The following GTF2B variants were observed in gnomAD, a reference collection of about 807,000 sequenced individuals.
GTF2B encodes the protein transcription initiation factor IIB.
Under a neutral mutation model 34.6 loss-of-function variants are expected in GTF2B, and 20 were observed. The ratio of observed to expected loss-of-function variants is 0.58; its 90% CI spans 0.41 to 0.84. GTF2B has a LOEUF of 0.84. GTF2B is among the 40% of genes least tolerant of loss of function. The pLI is 0.00. For missense variants in GTF2B, 237 were observed against 393.3 expected (o/e 0.60, Z 3.36); for synonymous variants, 142 against 132.4 (o/e 1.07, Z -0.50).
chr1:88,876,163 C>T (rs949202040), intron 2 of GTF2B, among the ~76,000 whole-genome samples: 1 of 152,188 alleles, frequency 6.6e-6, no homozygotes, highest in Non-Finnish European at 1.5e-5. Flanking sequence ...ATTTTAAAAA[C>T]TTAACTTGGC....
chr1:88,891,510 A>C lies in GTF2B; in HGVS notation c.-11T>G. 3 of 1,602,248 alleles carry C rather than the reference A, an allele frequency of 1.9e-6. No individual in the cohort carries two copies. Among genetic ancestry groups the C allele is most frequent in the Non-Finnish European group, 2.6e-6 (3 of 1,173,884 alleles). On this transcript the variant is annotated 5_prime_UTR_variant, in exon 1 of 7. Coordinates refer to ENST00000370500, the MANE Select transcript of GTF2B (RefSeq NM_001514.6). The stretch of plus-strand genomic sequence containing the variant: ...GCTGGTAGACGCCATCTTCACGGCG[A>C]CTGCGGTGCCCGCAACAAGACACAA...
chr1:88,871,719 C>T (rs7532049), intron 2 of GTF2B, among the ~76,000 whole-genome samples: 150,013 of 152,324 alleles, frequency 0.98, 73,901 homozygotes, highest in Middle Eastern at 1. Flanking sequence ...GTATAAAAGA[C>T]TGCTCTTTTT....
intron 6 of GTF2B, among the ~76,000 whole-genome samples, chr1:88,856,289 A>C (rs1557652126): frequency 7.5e-5 from 7 of 92,998 alleles, no homozygotes; most frequent in Non-Finnish European, 1.4e-4. Flanking sequence ...AAAAAAAAAA[A>C]ACAAAAAAAA....
chr1:88,886,822 T>TG (rs57975021), intron 2 of GTF2B, among the ~76,000 whole-genome samples: 3 of 152,238 alleles, frequency 2.0e-5, no homozygotes, highest in African/African-American at 7.2e-5. Context: ...ATTGTTTTTT[T>TG]GCAATAAATT....
At chr1:88,875,875 T>C (rs1292730381) in intron 2 of GTF2B, among the ~76,000 whole-genome samples, 2 of 152,188 alleles carry the variant, frequency 1.3e-5, no homozygotes, top group East Asian at 1.9e-4. Flanking sequence ...AAAAGGTTTT[T>C]AAGTCCCATA....
chr1:88,884,064 G>C (rs1468172219), intron 2 of GTF2B, among the ~76,000 whole-genome samples: 5 of 130,884 alleles, frequency 3.8e-5, no homozygotes, highest in East Asian at 4.4e-4. Flanking sequence ...GTCTCACTCT[G>C]TCACTTAGGC....
intron 2 of GTF2B, among the ~76,000 whole-genome samples, chr1:88,873,182 G>GTTTT (rs869087763): frequency 4.2e-4 from 42 of 100,446 alleles, no homozygotes; most frequent in Non-Finnish European, 4.4e-4. Flanking sequence ...ATTCCATTAA[G>GTTTT]TTTTTTTTTT....
intron 2 of GTF2B, among the ~76,000 whole-genome samples, chr1:88,877,545 C>T (rs1234979362): frequency 6.6e-6 from 1 of 152,126 alleles, no homozygotes; most frequent in Non-Finnish European, 1.5e-5. Flanking sequence ...TATCTAAATA[C>T]AATAATACTG....
chr1:88,861,656 C>G (rs547367687), intron 3 of GTF2B, among the ~76,000 whole-genome samples: 1 of 152,024 alleles, frequency 6.6e-6, no homozygotes, highest in Non-Finnish European at 1.5e-5. Flanking sequence ...AAGCGCGAAA[C>G]TCTGTCTCAA....
rs539930757 is a variant in GTF2B, at chr1:88,877,833, A to G, written c.124+9428T>C. Among the ~76,000 whole-genome samples, 7 of 152,328 alleles carry G rather than the reference A, an allele frequency of 4.6e-5. No individual in the cohort carries two copies. The East Asian group carries it at 1.4e-3, about 29-fold the overall frequency. On this transcript the variant is annotated intron_variant, in intron 2 of 6. Transcript: ENST00000370500. The stretch of plus-strand genomic sequence containing the variant: ...TGTAATCCCACTACTCAGAAGGCTG[A>G]GGAAGGAGAATCACTGGAACCCGGG...
At chr1:88,868,603 T>C (rs997796733) in intron 2 of GTF2B, among the ~76,000 whole-genome samples, 4 of 152,240 alleles carry the variant, frequency 2.6e-5, no homozygotes, top group Non-Finnish European at 5.9e-5. Flanking sequence ...ATTCCATCTC[T>C]ATTTTTCAAG....
intron 1 of GTF2B, 65 bp from the exon 2 acceptor site, chr1:88,887,432 A>G: frequency 1.1e-6 from 1 of 918,558 alleles, no homozygotes; most frequent in Non-Finnish European, 1.8e-6. Flanking sequence ...ATCTTCTGGG[A>G]TGGGGGATGG....
chr1:88,856,714 T>TGTCTCTGAACATTTTTTTTA (rs1553162053), intron 6 of GTF2B, among the ~76,000 whole-genome samples: 1 of 152,156 alleles, frequency 6.6e-6, no homozygotes, highest in African/African-American at 2.4e-5. Context: ...CACAGGGTTA[T>TGTCTCTGAACATTTTTTTTA]GTCTCTGAAC....
chr1:88,889,110 C>T (rs1674138604), intron 1 of GTF2B, among the ~76,000 whole-genome samples: 1 of 152,082 alleles, frequency 6.6e-6, no homozygotes, highest in Non-Finnish European at 1.5e-5. Context: ...TATTCCTATA[C>T]ATTTGTTAAA....
At chr1:88,878,998 TA>T in intron 2 of GTF2B, among the ~76,000 whole-genome samples, 1 of 152,294 alleles carries the variant, frequency 6.6e-6, no homozygotes, top group South Asian at 2.1e-4. Context: ...TACTGACTCA[TA>T]AAATCATGAG....
At position 88,869,312 on chromosome 1, in the gene GTF2B, G is replaced by A. The variant is rs563395817; in HGVS notation, c.125-5198C>T. Among the ~76,000 whole-genome samples the A allele has an allele frequency of 3.3e-5, 5 of 152,276 alleles. No individual in the cohort carries two copies. In the East Asian group the frequency reaches 9.6e-4, roughly 29 times the overall value. On this transcript the variant is annotated intron_variant, in intron 2 of 6. Transcript: ENST00000370500. Reference sequence around the variant, plus strand: ...ATTTTGGTATGCAAGGGAGGTCCTGGAACCAGTCCCCCACAGATACTGAGG... The same window carrying A: ...ATTTTGGTATGCAAGGGAGGTCCTGAAACCAGTCCCCCACAGATACTGAGG...
At chr1:88,857,712 T>A (rs2100962269) in intron 5 of GTF2B, among the ~76,000 whole-genome samples, 1 of 150,726 alleles carries the variant, frequency 6.6e-6, no homozygotes, top group Admixed American at 6.6e-5. Context: ...AGATGAAGTC[T>A]CACTCTGTCG....
chr1:88,860,223 T>A lies in GTF2B; in HGVS notation c.322A>T (p.Ser108Cys). The A allele has an allele frequency of 6.2e-7, 1 of 1,613,494 alleles. No homozygotes were observed. Among genetic ancestry groups the A allele is most frequent in the Non-Finnish European group, 8.5e-7 (1 of 1,179,382 alleles). Residue 108 changes from serine to cysteine, a missense_variant, in exon 4 of 7, where the codon AGC becomes TGC. Coordinates refer to ENST00000370500, the MANE Select transcript of GTF2B (RefSeq NM_001514.6). ...TTCATCATTGCCCGATCAGAACTGC[T>A]CATTGTTCTCCGATTCTGGTACTTA... ...NSKYQNRRTMSSSDRAMMNAF... is the reference protein window; with the variant it reads ...NSKYQNRRTMCSSDRAMMNAF...
intron 2 of GTF2B, among the ~76,000 whole-genome samples, chr1:88,874,392 G>C (rs1297386545): frequency 6.6e-6 from 1 of 151,606 alleles, no homozygotes; most frequent in Non-Finnish European, 1.5e-5. Context: ...TATCACTGCA[G>C]CCTCAAACTC....
Sources: gnomAD v4.1 joint callset for allele counts (sites outside exome capture counted in the v4.1 genomes callset) on GRCh38, gnomAD v4.1.1 for gene constraint, MANE v1.5 for transcripts, NCBI Gene and HGNC (gene_info 2026-07-23, HGNC 2026-07-21) for gene names.